Variants in YWHAQ observed in about 807,000 individuals in gnomAD.
YWHAQ encodes 14-3-3 protein theta.
Under a neutral mutation model 28.3 loss-of-function variants are expected in YWHAQ, and 6 were observed. That is an observed-to-expected ratio of 0.21 (90% CI 0.12 to 0.42). The LOEUF is 0.42. Among genes scored for constraint, YWHAQ ranks in the 10% least tolerant of loss-of-function variants. The probability of loss-of-function intolerance (pLI) is 1.00; values close to 1 mark genes in which losing one functional copy is unlikely to be tolerated. For synonymous variants in YWHAQ, 143 were observed against 119.1 expected (o/e 1.20, Z -1.31); for missense variants, 201 against 305.6 (o/e 0.66, Z 2.55).
rs762624973 is a variant in YWHAQ, at chr2:9,630,318, G to A, written c.135C>T (p.Ser45=). 2 of 1,614,020 alleles carry A rather than the reference G, an allele frequency of 1.2e-6. No individual in the cohort carries two copies. Among genetic ancestry groups the A allele is most frequent in the Non-Finnish European group, 1.7e-6 (2 of 1,180,040 alleles). ...CCCCGACCACGTTCTTGTAGGCCAC[G>A]GAGAGCAGGTTGCGCTCCTCGTTGG... ...ELSNEERNLL[S]VAYKNVVGGR... is the part of the protein sequence containing the mutation. The change falls in exon 2 of 6, where the codon TCC becomes TCT. Residue 45 remains serine (S), a synonymous_variant. Coordinates refer to ENST00000238081, the MANE Select transcript of YWHAQ (RefSeq NM_006826.4). The surrounding 1 kb of genome is among the most constrained non-coding windows in gnomAD (Gnocchi z 5.6).
chr2:9,589,095 C>A (rs1321820533), intron 3 of YWHAQ, among the ~76,000 whole-genome samples: 3 of 151,990 alleles, frequency 2.0e-5, no homozygotes, highest in African/African-American at 7.3e-5. Context: ...GCACTCCCAA[C>A]CTCAGTGACA....
At chr2:9,614,673 T>C (rs183308769) in intron 2 of YWHAQ, among the ~76,000 whole-genome samples, 2 of 152,354 alleles carry the variant, frequency 1.3e-5, no homozygotes, top group Non-Finnish European at 1.5e-5. Context: ...TGGTTTATAC[T>C]AGCAAGGACA....
chr2:9,621,265 A>C (rs929721708), intron 2 of YWHAQ, among the ~76,000 whole-genome samples: 2 of 152,190 alleles, frequency 1.3e-5, no homozygotes, highest in African/African-American at 4.8e-5. Flanking sequence ...TAACTCCATC[A>C]ATCTACTTAG....
At chr2:9,592,429 T>G (rs1294753749) in intron 2 of YWHAQ, among the ~76,000 whole-genome samples, 1 of 152,088 alleles carries the variant, frequency 6.6e-6, no homozygotes, top group African/African-American at 2.4e-5. Context: ...GTCATCCATT[T>G]AAAAACCTTT....
At chr2:9,615,229 T>A (rs1005190909) in intron 2 of YWHAQ, 1 of 152,030 alleles carries the variant, frequency 6.6e-6, no homozygotes, top group African/African-American at 2.4e-5. Context: ...TATATAAACA[T>A]AATCACATAT....
chr2:9,599,505 G>A (rs1471721126), intron 2 of YWHAQ, among the ~76,000 whole-genome samples: 1 of 152,122 alleles, frequency 6.6e-6, no homozygotes, highest in African/African-American at 2.4e-5. Context: ...ACTTTAAGAT[G>A]AAGCCAATGC....
At chr2:9,585,993 A>G (rs1666337261) in intron 5 of YWHAQ, among the ~76,000 whole-genome samples, 2 of 152,140 alleles carry the variant, frequency 1.3e-5, no homozygotes, top group Non-Finnish European at 2.9e-5. Context: ...CTCTATTCCC[A>G]GCAGCCCAAT....
chr2:9,590,995 G>A (rs182023212), intron 3 of YWHAQ, among the ~76,000 whole-genome samples: 2 of 152,282 alleles, frequency 1.3e-5, no homozygotes, highest in East Asian at 1.9e-4. Context: ...CTGTTTCCAC[G>A]TTCTGTATGT....
chr2:9,584,879 G>C lies in YWHAQ; in HGVS notation c.*407C>G. ...AAGGAAACCCCCGAAGAGTAAGGGA[G>C]GGAATGTAGAAATTAAGAAGTTATG... On this transcript the variant is annotated 3_prime_UTR_variant, in exon 6 of 6. Coordinates refer to ENST00000238081, the MANE Select transcript of YWHAQ (RefSeq NM_006826.4). 5.8e-6 allele frequency: 1 copy of C among 171,354 alleles called. No individual in the cohort carries two copies. Among genetic ancestry groups the C allele is most frequent in the Non-Finnish European group, 1.3e-5 (1 of 79,512 alleles). The allele number at this position is 171,354 out of a possible 1,614,324, so 10.6% of individuals were successfully genotyped here.
At chr2:9,590,085 T>C (rs182001239) in intron 3 of YWHAQ, among the ~76,000 whole-genome samples, 119 of 152,334 alleles carry the variant, frequency 7.8e-4, no homozygotes, top group African/African-American at 2.8e-3. Context: ...AATTAGGCTA[T>C]AAAGACAGCC....
chr2:9,607,923 G>C (rs1391931913), intron 2 of YWHAQ, among the ~76,000 whole-genome samples: 1 of 151,708 alleles, frequency 6.6e-6, no homozygotes, highest in African/African-American at 2.4e-5. Flanking sequence ...ATGTCAGCCA[G>C]GCTGGTCTCG....
intron 2 of YWHAQ, among the ~76,000 whole-genome samples, chr2:9,595,795 G>A (rs1205816295): frequency 1.3e-5 from 2 of 151,792 alleles, no homozygotes; most frequent in Non-Finnish European, 2.9e-5. Flanking sequence ...TTAAGCAGGA[G>A]CTCCCCCTTG....
chr2:9,613,529 C>T (rs1666991237), intron 2 of YWHAQ, among the ~76,000 whole-genome samples: 1 of 152,070 alleles, frequency 6.6e-6, no homozygotes, highest in Non-Finnish European at 1.5e-5. Flanking sequence ...AGCTAAAACC[C>T]ACAGGATAAA....
At chr2:9,625,483 A>C (rs16867082) in intron 2 of YWHAQ, among the ~76,000 whole-genome samples, 3,830 of 152,262 alleles carry the variant, frequency 0.025, 117 homozygotes, top group African/African-American at 0.071. Context: ...AAATTCCTCA[A>C]AACAGAAATT....
intron 2 of YWHAQ, among the ~76,000 whole-genome samples, chr2:9,611,271 TACTAA>T (rs1030381071): frequency 6.6e-6 from 1 of 152,182 alleles, no homozygotes; most frequent in African/African-American, 2.4e-5. Context: ...ATACCACACT[TACTAA>T]ACAATTTAAT....
chr2:9,590,734 AT>A (rs940789218), intron 3 of YWHAQ, among the ~76,000 whole-genome samples: 2 of 152,144 alleles, frequency 1.3e-5, no homozygotes, highest in African/African-American at 4.8e-5. Flanking sequence ...AAAAAAAGGT[AT>A]TTAATACTAA....
At position 9,588,252 on chromosome 2, in the gene YWHAQ, T is replaced by C; in HGVS notation, c.495A>G (p.Pro165=). Residue 165 remains proline, a synonymous_variant, in exon 4 of 6, where the codon CCA becomes CCG. Transcript: ENST00000238081. ...ISKKEMQPTH[P]IRLGLALNFS... ...AGTTAAGAGCAAGCCCCAGGCGGATTGGGTGTGTGGGTTGCATCTCTTTCT... is the reference window on the plus strand; with the variant it reads ...AGTTAAGAGCAAGCCCCAGGCGGATCGGGTGTGTGGGTTGCATCTCTTTCT... 6.2e-7 allele frequency: 1 copy of C among 1,608,272 alleles called. No individual in the cohort carries two copies. Among genetic ancestry groups the C allele is most frequent in the South Asian group, 1.1e-5 (1 of 89,802 alleles).
chr2:9,615,768 G>A (rs958314235), intron 2 of YWHAQ, among the ~76,000 whole-genome samples: 5 of 152,128 alleles, frequency 3.3e-5, no homozygotes, highest in Admixed American at 2.6e-4. Context: ...GAAGAACAGG[G>A]TCCTGTAAAG....
chr2:9,604,794 A>G (rs1666785000), intron 2 of YWHAQ, among the ~76,000 whole-genome samples: 1 of 152,214 alleles, frequency 6.6e-6, no homozygotes, highest in Non-Finnish European at 1.5e-5. Context: ...AATAAAAAAA[A>G]ATTCTCCAGT....
Sources: allele counts gnomAD v4.1 joint callset (sites outside exome capture counted in the v4.1 genomes callset), GRCh38; gene constraint gnomAD v4.1.1; non-coding constraint Gnocchi (gnomAD v3.1); transcripts MANE v1.5; gene names NCBI Gene and HGNC (gene_info 2026-07-23, HGNC 2026-07-21).